AOAH: variants seen among roughly 807,000 people sequenced by gnomAD.
The protein encoded by AOAH is acyloxyacyl hydrolase (neutrophil).
In AOAH, 64 loss-of-function variants were observed where a neutral mutation model predicts 92.2. The ratio of observed to expected loss-of-function variants is 0.69; its 90% CI spans 0.57 to 0.86. AOAH has a LOEUF of 0.86. Among genes scored for constraint, AOAH ranks in the 40% least tolerant of loss-of-function variants. The probability of loss-of-function intolerance (pLI) is 0.00; values close to 1 mark genes in which losing one functional copy is unlikely to be tolerated. For synonymous variants in AOAH, 263 were observed against 254.5 expected (o/e 1.03, Z -0.32); for missense variants, 656 against 694.6 (o/e 0.94, Z 0.62).
chr7:36,583,533 A>C (rs771031346), intron 12 of AOAH, among the ~76,000 whole-genome samples: 29 of 152,190 alleles, frequency 1.9e-4, no homozygotes, highest in Non-Finnish European at 4.1e-4. Context: ...ATAAACATAC[A>C]GAATATGACT....
intron 5 of AOAH, among the ~76,000 whole-genome samples, chr7:36,634,115 G>T (rs1793352974): frequency 6.6e-6 from 1 of 152,286 alleles, no homozygotes; most frequent in South Asian, 2.1e-4. Context: ...AGACTTAGTA[G>T]CTGACTAAGA....
Position 36,590,728 on chromosome 7 carries a change from T to C in AOAH, c.938+3611A>G, listed in dbSNP as rs889220146. Among the ~76,000 whole-genome samples the C allele has an allele frequency of 4.6e-5, 7 of 152,336 alleles. No individual in the cohort carries two copies. In the East Asian group the frequency reaches 1.4e-3, roughly 29 times the overall value. On this transcript the variant is annotated intron_variant, in intron 12 of 20. Transcript: ENST00000617537. ...TGAATAGAGAAATCCGCCAATTCTG[T>C]GGATAAGCATTTGGATTCAAAGGGC...
chr7:36,634,319 CT>C (rs1180143697), intron 5 of AOAH, among the ~76,000 whole-genome samples: 1 of 152,174 alleles, frequency 6.6e-6, no homozygotes, highest in African/African-American at 2.4e-5. Context: ...AGATTGACCC[CT>C]GACCTAATCG....
At position 36,614,553 on chromosome 7, in the gene AOAH, T is replaced by C. The variant is rs938187427; in HGVS notation, c.846+1827A>G. 2.0e-5 allele frequency among the ~76,000 whole-genome samples: 3 copies of C among 152,306 alleles called. No individual in the cohort carries two copies. The highest frequency in any genetic ancestry group is 7.2e-5 in the African/African-American group (3 of 41,576). The stretch of plus-strand genomic sequence containing the variant: ...TCCTGTCTCCTGCCACCTCTCAAGA[T>C]GGGTTCCTGGCCACTCACTCCCCAG... On this transcript the variant is annotated intron_variant, in intron 11 of 20. Coordinates refer to ENST00000617537, the MANE Select transcript of AOAH (RefSeq NM_001637.4). This position sits in a 1 kb window ranked among gnomAD's most constrained non-coding sequence, Gnocchi z 4.2.
chr7:36,601,087 T>C (rs1790543551), intron 11 of AOAH, among the ~76,000 whole-genome samples: 3 of 151,966 alleles, frequency 2.0e-5, no homozygotes, highest in Admixed American at 1.3e-4. Flanking sequence ...GAGGTCTGCC[T>C]TCCAGTGGGG....
rs763912531 is a variant in AOAH, at chr7:36,681,803, G to GAAAT, written c.223+4892_223+4895dup. ...GTGACAGAGCAAGACTCTGTCTCCA[G>GAAAT]AAATAAATAAATAAATAAATAAGAG... On this transcript the variant is annotated intron_variant, in intron 2 of 20. Transcript: ENST00000617537. 5.9e-4 allele frequency among the ~76,000 whole-genome samples: 90 copies of GAAAT among 152,146 alleles called. 1 individual carries two copies. The highest frequency in any genetic ancestry group is 1.0e-3 in the Non-Finnish European group (69 of 67,978).
At chr7:36,689,649 T>C (rs1797261744) in intron 1 of AOAH, among the ~76,000 whole-genome samples, 1 of 152,164 alleles carries the variant, frequency 6.6e-6, no homozygotes, top group South Asian at 2.1e-4. Context: ...AGATGTGATT[T>C]TGGAGAGACC....
chr7:36,638,052 A>C (rs554541529), intron 4 of AOAH, 142 bp from the exon 5 acceptor site: 2 of 709,994 alleles, frequency 2.8e-6, no homozygotes, highest in Admixed American at 2.8e-5. Context: ...AATTCACAAG[A>C]AGGCAATTTC....
chr7:36,670,407 T>C (rs561302199), intron 3 of AOAH, among the ~76,000 whole-genome samples: 2 of 152,180 alleles, frequency 1.3e-5, no homozygotes, highest in East Asian at 3.9e-4. Flanking sequence ...ACCACGAAGG[T>C]GGGATCAGAC....
At chr7:36,721,742 G>A (rs1033461655) in intron 1 of AOAH, among the ~76,000 whole-genome samples, 2 of 152,198 alleles carry the variant, frequency 1.3e-5, no homozygotes, top group African/African-American at 4.8e-5. Flanking sequence ...CTCTGTGAAT[G>A]ATAGAGATGA....
At chr7:36,560,541 A>G (rs1368080037) in intron 13 of AOAH, among the ~76,000 whole-genome samples, 1 of 152,158 alleles carries the variant, frequency 6.6e-6, no homozygotes, top group Non-Finnish European at 1.5e-5. Flanking sequence ...CTTGAATGTT[A>G]TAGATATATA....
intron 1 of AOAH, among the ~76,000 whole-genome samples, chr7:36,705,588 C>G (rs181419923): frequency 2.0e-5 from 3 of 152,110 alleles, no homozygotes; most frequent in African/African-American, 7.2e-5. Context: ...AATGCTATTC[C>G]CCTCAAGCTA....
rs750221911 is a variant in AOAH at position 36,686,780 on chromosome 7, C to T, written c.142G>A (p.Val48Met). 6.4e-7 allele frequency: 1 copy of T among 1,567,100 alleles called. No individual in the cohort carries two copies. Among genetic ancestry groups the T allele is most frequent in the South Asian group, 1.2e-5 (1 of 84,304 alleles). The stretch of plus-strand genomic sequence containing the variant: ...TGAGCAAGCTGTTCTATTACAGACA[C>T]CACCAGCACACACCCTGCCAGGGAG... ...GHTCVGCVLVVSVIEQLAQVH... is the reference protein window; with the variant it reads ...GHTCVGCVLVMSVIEQLAQVH... The change falls in exon 2 of 21, where the codon GTG becomes ATG. Residue 48 changes from valine (V) to methionine (M), a missense_variant. Transcript: ENST00000617537.
At chr7:36,655,753 C>G (rs970198898) in intron 4 of AOAH, among the ~76,000 whole-genome samples, 3 of 152,158 alleles carry the variant, frequency 2.0e-5, no homozygotes, top group Admixed American at 2.0e-4. Flanking sequence ...CGTCAATACA[C>G]ATTTCCTTGG....
chr7:36,597,734 G>A (rs1053238600), intron 11 of AOAH: 1 of 152,320 alleles, frequency 6.6e-6, no homozygotes, highest in South Asian at 2.1e-4. Flanking sequence ...CCTTTCACAG[G>A]AAGGAGTTAG....
At chr7:36,686,676 A>C in intron 2 of AOAH, 23 bp downstream of exon 2, 1 of 1,430,252 alleles carries the variant, frequency 7.0e-7, no homozygotes, top group Non-Finnish European at 9.4e-7. Flanking sequence ...GACCCTCAGC[A>C]GTATGACTCG....
At chr7:36,675,394 TAGATA>T (rs1232630957) in intron 2 of AOAH, among the ~76,000 whole-genome samples, 1 of 152,156 alleles carries the variant, frequency 6.6e-6, no homozygotes, top group Non-Finnish European at 1.5e-5. Flanking sequence ...TTAGGTAACT[TAGATA>T]AAATAAAAAA....
intron 20 of AOAH, among the ~76,000 whole-genome samples, chr7:36,515,947 C>A (rs1346090308): frequency 6.9e-6 from 1 of 145,154 alleles, no homozygotes; most frequent in African/African-American, 2.6e-5. Context: ...CCCCCACATC[C>A]CACACACAGC....
chr7:36,601,332 A>G (rs1015537824), intron 11 of AOAH, among the ~76,000 whole-genome samples: 11 of 152,058 alleles, frequency 7.2e-5, no homozygotes, highest in Admixed American at 1.3e-4. Flanking sequence ...ATGATTCATT[A>G]TACACACAGA....
Sources: allele counts gnomAD v4.1 joint callset (sites outside exome capture counted in the v4.1 genomes callset), GRCh38; gene constraint gnomAD v4.1.1; non-coding constraint Gnocchi (gnomAD v3.1); transcripts MANE v1.5; gene names NCBI Gene and HGNC (gene_info 2026-07-23, HGNC 2026-07-21).